SLC16A4: variants seen among roughly 807,000 people sequenced by gnomAD.
SLC16A4 encodes the protein solute carrier family 16 member 4.
In SLC16A4, 39 loss-of-function variants were observed where a neutral mutation model predicts 47.9. The ratio of observed to expected loss-of-function variants is 0.81; its 90% CI spans 0.63 to 1.06. The LOEUF (loss-of-function observed/expected upper bound fraction) is 1.06. Among genes scored for constraint, SLC16A4 ranks in the 50% least tolerant of loss-of-function variants. The pLI is 0.00. For synonymous variants in SLC16A4, 189 were observed against 199.9 expected (o/e 0.95, Z 0.46); for missense variants, 524 against 573.8 (o/e 0.91, Z 0.89).
chr1:110,386,181 A>C (rs1662722822), intron 2 of SLC16A4, among the ~76,000 whole-genome samples: 1 of 152,194 alleles, frequency 6.6e-6, no homozygotes, highest in Non-Finnish European at 1.5e-5. Flanking sequence ...GTGAATGGTT[A>C]GGACTTGTCT....
chr1:110,367,230 A>G (rs1411483068), intron 8 of SLC16A4, among the ~76,000 whole-genome samples: 1 of 152,268 alleles, frequency 6.6e-6, no homozygotes, highest in Admixed American at 6.5e-5. Flanking sequence ...ACAGTGGCTC[A>G]TGCCTGTAAT....
At chr1:110,369,748 A>G (rs1272492380) in intron 8 of SLC16A4, among the ~76,000 whole-genome samples, 4 of 152,174 alleles carry the variant, frequency 2.6e-5, no homozygotes, top group Non-Finnish European at 5.9e-5. Flanking sequence ...AGGTGTGCAA[A>G]GACAATTTTC....
chr1:110,369,466 G>A (rs915761811), intron 8 of SLC16A4, among the ~76,000 whole-genome samples: 13 of 152,070 alleles, frequency 8.5e-5, no homozygotes, highest in Non-Finnish European at 1.6e-4. Flanking sequence ...CAGGCATGGT[G>A]GCACACGCCT....
chr1:110,366,952 A>G (rs754967817), intron 8 of SLC16A4, among the ~76,000 whole-genome samples: 14 of 152,324 alleles, frequency 9.2e-5, no homozygotes, highest in African/African-American at 2.6e-4. Flanking sequence ...TTAAGATCCA[A>G]TTGCCATTCA....
intron 8 of SLC16A4, among the ~76,000 whole-genome samples, chr1:110,369,057 C>G (rs891997303): frequency 1.3e-5 from 2 of 150,996 alleles, no homozygotes; most frequent in African/African-American, 4.9e-5. Flanking sequence ...TGGGTTTAAG[C>G]GATTCTCCTG....
At chr1:110,385,647 C>G (rs189781011) in intron 2 of SLC16A4, among the ~76,000 whole-genome samples, 6 of 152,260 alleles carry the variant, frequency 3.9e-5, no homozygotes, top group Admixed American at 3.9e-4. Flanking sequence ...CAAGACCTGC[C>G]CCCTTCTTTT....
chr1:110,375,321 G>A (rs1295880658), intron 8 of SLC16A4, 137 bp downstream of exon 8: 4 of 635,318 alleles, frequency 6.3e-6, no homozygotes, highest in East Asian at 5.5e-5. Context: ...TGGTGGTGGA[G>A]TGAGTAGATA....
rs775921844 is a variant in SLC16A4, at chr1:110,382,976, A to G, written c.88-10T>C. On this transcript the variant is annotated splice_polypyrimidine_tract_variant and intron_variant, in intron 2 of 8. Coordinates refer to ENST00000369779, the MANE Select transcript of SLC16A4 (RefSeq NM_004696.3). ...TCACAAACACATTCACCTAAATCAAAGCAGACCAGAGTCCAACTCAGGTGG... is the reference window on the plus strand; with the variant it reads ...TCACAAACACATTCACCTAAATCAAGGCAGACCAGAGTCCAACTCAGGTGG... The G allele has an allele frequency of 6.3e-7, 1 of 1,592,414 alleles. No individual in the cohort carries two copies. The highest frequency in any genetic ancestry group is 8.6e-7 in the Non-Finnish European group (1 of 1,166,000).
In SLC16A4 at chr1:110,382,696, T is replaced by C. The variant is rs74119250; in HGVS notation, c.220+138A>G. 2.1e-3 allele frequency: 1,744 copies of C among 850,572 alleles called. 39 individuals carry two copies. In the African/African-American group the frequency reaches 0.027, roughly 13 times the overall value. The allele number at this position is 850,572 out of a possible 1,614,324, so 52.7% of individuals were successfully genotyped here. Reference sequence around the variant, plus strand: ...AGTGGAAGCTAAATATTGCAATTCCTTACTTTCTCAGCGTTACATATCAGT... The same window carrying C: ...AGTGGAAGCTAAATATTGCAATTCCCTACTTTCTCAGCGTTACATATCAGT... On this transcript the variant is annotated intron_variant, in intron 3 of 8. Transcript: ENST00000369779.
In SLC16A4 at chr1:110,363,816, A is replaced by C. The variant is rs1424430575; in HGVS notation, c.1414T>G (p.Ser472Ala). The C allele has an allele frequency of 1.9e-6, 3 of 1,612,622 alleles. No homozygotes were observed. The Admixed American group carries it at 5.0e-5, about 27-fold the overall frequency. ...TCGGCCAATGGTACAAAAAAAAAGG[A>C]AACTGAAGAGAGGAGATAGCATATG... Reference protein sequence around the residue: ...SGICYLLSSVSFFFVPLAERW... With the variant: ...SGICYLLSSVAFFFVPLAERW... The change falls in exon 9 of 9, where the codon TCC becomes GCC. Residue 472 changes from serine to alanine, a missense_variant. Coordinates refer to ENST00000369779, the MANE Select transcript of SLC16A4 (RefSeq NM_004696.3).
chr1:110,389,563 G>A (rs569519377), intron 1 of SLC16A4, among the ~76,000 whole-genome samples: 1 of 152,276 alleles, frequency 6.6e-6, no homozygotes, highest in East Asian at 1.9e-4. Flanking sequence ...TATACCCAAA[G>A]GAAGATAAAT....
rs1201161747 is a variant in SLC16A4 at position 110,363,863 on chromosome 1, T to C, written c.1367A>G (p.Asn456Ser). Residue 456 changes from asparagine to serine, a missense_variant, in exon 9 of 9, where the codon AAT (asparagine) becomes AGT (serine). Physicochemically the swap from Asn to Ser is conservative, Grantham distance 46 (BLOSUM62 1). Coordinates refer to ENST00000369779, the MANE Select transcript of SLC16A4 (RefSeq NM_004696.3). Reference sequence around the variant, plus strand: ...TATGCCAGAGAAGTAGAAAGAGCCATTGTATGTCTGGGTATAATCATATAA... The same window carrying C: ...TATGCCAGAGAAGTAGAAAGAGCCACTGTATGTCTGGGTATAATCATATAA... ...GWLYDYTQTY[N>S]GSFYFSGICY... The C allele has an allele frequency of 1.9e-6, 3 of 1,612,930 alleles. No homozygotes were observed. Among genetic ancestry groups the C allele is most frequent in the South Asian group, 1.1e-5 (1 of 90,848 alleles).
chr1:110,380,094 A>T (rs1207050802), intron 5 of SLC16A4, among the ~76,000 whole-genome samples: 1 of 150,858 alleles, frequency 6.6e-6, no homozygotes, highest in African/African-American at 2.4e-5. Flanking sequence ...GGAGGAAGGC[A>T]TGGATAGCCT....
At chr1:110,377,882 T>G (rs1158758639) in intron 6 of SLC16A4, among the ~76,000 whole-genome samples, 1 of 152,202 alleles carries the variant, frequency 6.6e-6, no homozygotes, top group Non-Finnish European at 1.5e-5. Context: ...CAGGCTGGAG[T>G]GCAGTGGTGC....
chr1:110,365,749 G>C (rs115344802), intron 8 of SLC16A4, among the ~76,000 whole-genome samples: 4,053 of 152,222 alleles, frequency 0.027, 102 homozygotes, highest in South Asian at 0.063. Flanking sequence ...ATGTATTAGA[G>C]TGTATGTGTC....
At position 110,381,651 on chromosome 1, in the gene SLC16A4, C is replaced by T; in HGVS notation, c.364+1G>A. 2 of 1,610,230 alleles carry T rather than the reference C, an allele frequency of 1.2e-6. No individual in the cohort carries two copies. The highest frequency in any genetic ancestry group is 1.7e-6 in the Non-Finnish European group (2 of 1,179,126). On this transcript the variant is annotated splice_donor_variant, in intron 4 of 8. Coordinates refer to ENST00000369779, the MANE Select transcript of SLC16A4 (RefSeq NM_004696.3). LOFTEE classifies it high-confidence loss of function. ...TGGTCACATAATTACAATGGACTCA[C>T]CGGGTAGAAGTCCCATAGTCACACA...
chr1:110,367,938 C>T (rs1221956951), intron 8 of SLC16A4, among the ~76,000 whole-genome samples: 2 of 152,182 alleles, frequency 1.3e-5, no homozygotes, highest in Admixed American at 1.3e-4. Flanking sequence ...ACACCATTCT[C>T]CTGTCTCAGC....
chr1:110,364,364 G>C (rs999604331), intron 8 of SLC16A4, among the ~76,000 whole-genome samples: 11 of 152,024 alleles, frequency 7.2e-5, no homozygotes, highest in African/African-American at 2.7e-4. Flanking sequence ...GGGGAGATAG[G>C]TACCAACCAC....
Position 110,363,449 on chromosome 1 carries a change from A to AT in SLC16A4, c.*316_*317insA, listed in dbSNP as rs1553227152. The AT allele has an allele frequency of 5.9e-6, 1 of 169,776 alleles. No homozygotes were observed. The highest frequency in any genetic ancestry group is 1.3e-5 in the Non-Finnish European group (1 of 79,888). 10.5% of individuals were successfully genotyped at this position (169,776 alleles called of 1,614,324 possible). On this transcript the variant is annotated 3_prime_UTR_variant, in exon 9 of 9. Transcript: ENST00000369779. ...AGACCATCCTGGCTAACATGGTGAA[A>AT]CCCCGCCTCTACTAAAAATACAAAA...
Sources: gnomAD v4.1 joint callset for allele counts (sites outside exome capture counted in the v4.1 genomes callset) on GRCh38, gnomAD v4.1.1 for gene constraint, MANE v1.5 for transcripts, NCBI Gene and HGNC (gene_info 2026-07-23, HGNC 2026-07-21) for gene names.